DACH1: variants seen among roughly 807,000 people sequenced by gnomAD.
DACH1 encodes the protein dachshund family transcription factor 1.
In DACH1, 12 loss-of-function variants were observed where a neutral mutation model predicts 54.2. The observed-to-expected ratio is 0.22, with a 90% CI of 0.14 to 0.36. DACH1 has a LOEUF of 0.36. Among genes scored for constraint, DACH1 ranks in the 10% least tolerant of loss-of-function variants. The probability of loss-of-function intolerance (pLI) is 1.00; values close to 1 mark genes in which losing one functional copy is unlikely to be tolerated. For synonymous variants in DACH1, 386 were observed against 366.2 expected (o/e 1.05, Z -0.62); for missense variants, 805 against 929.8 (o/e 0.87, Z 1.75).
intron 6 of DACH1, among the ~76,000 whole-genome samples, chr13:71,511,884 A>G (rs1880802967): frequency 6.6e-6 from 1 of 151,946 alleles, no homozygotes; most frequent in Non-Finnish European, 1.5e-5. Context: ...TTTAACAAAC[A>G]GAAACTCAGC....
intron 6 of DACH1, among the ~76,000 whole-genome samples, chr13:71,497,361 C>T (rs1008063104): frequency 1.3e-5 from 2 of 150,786 alleles, no homozygotes; most frequent in Admixed American, 6.6e-5. Flanking sequence ...GACTGAGTTT[C>T]GCTCTTATTG....
chr13:71,860,437 G>A (rs12585281), intron 1 of DACH1, among the ~76,000 whole-genome samples: 12,324 of 146,800 alleles, frequency 0.084, 1,362 homozygotes, highest in East Asian at 0.57. Context: ...TTATTCTAAA[G>A]ATATATAACT....
chr13:71,793,890 G>A (rs544180682), intron 1 of DACH1, among the ~76,000 whole-genome samples: 7 of 152,250 alleles, frequency 4.6e-5, no homozygotes, highest in Admixed American at 6.5e-5. Flanking sequence ...GACCAAGGTC[G>A]TACAGCTAAT....
intron 1 of DACH1, among the ~76,000 whole-genome samples, chr13:71,843,455 C>A (rs912784225): frequency 6.6e-5 from 10 of 151,928 alleles, no homozygotes; most frequent in African/African-American, 2.4e-4. Flanking sequence ...TATAGAAACA[C>A]GGCTTCACCA....
intron 3 of DACH1, among the ~76,000 whole-genome samples, chr13:71,588,842 A>C (rs1287335301): frequency 6.6e-6 from 1 of 151,986 alleles, no homozygotes; most frequent in African/African-American, 2.4e-5. Flanking sequence ...TTCTATAGTT[A>C]TCTGCCAAAA....
chr13:71,815,002 G>A (rs985944968), intron 1 of DACH1, among the ~76,000 whole-genome samples: 1 of 152,156 alleles, frequency 6.6e-6, no homozygotes, highest in East Asian at 1.9e-4. Flanking sequence ...TAAACTAAAC[G>A]GGTGGGGAGG....
At chr13:71,511,266 G>A (rs1325888366) in intron 6 of DACH1, among the ~76,000 whole-genome samples, 2 of 151,930 alleles carry the variant, frequency 1.3e-5, no homozygotes, top group Non-Finnish European at 2.9e-5. Context: ...TGACTGGTTA[G>A]GCACTCTTGT....
chr13:71,861,480 A>G (rs1232024708), intron 1 of DACH1, among the ~76,000 whole-genome samples: 1 of 152,080 alleles, frequency 6.6e-6, no homozygotes, highest in East Asian at 1.9e-4. Flanking sequence ...TTGACTGAAC[A>G]AAGTAAATTC....
chr13:71,605,349 G>A (rs1374029759), intron 3 of DACH1, among the ~76,000 whole-genome samples: 1 of 151,554 alleles, frequency 6.6e-6, no homozygotes, highest in African/African-American at 2.4e-5. Flanking sequence ...TATTATATTT[G>A]AAAGAAACAA....
At chr13:71,496,209 G>A (rs2138219668) in intron 6 of DACH1, among the ~76,000 whole-genome samples, 1 of 144,970 alleles carries the variant, frequency 6.9e-6, no homozygotes, top group East Asian at 2.1e-4. Flanking sequence ...CTGCACTCCA[G>A]CCTGAGCGAC....
At chr13:71,502,655 C>G (rs1408337895) in intron 6 of DACH1, among the ~76,000 whole-genome samples, 1 of 152,170 alleles carries the variant, frequency 6.6e-6, no homozygotes, top group African/African-American at 2.4e-5. Flanking sequence ...TGCAATTAAA[C>G]CTTGGATAAT....
intron 10 of DACH1, among the ~76,000 whole-genome samples, chr13:71,451,982 A>G (rs570042457): frequency 2.0e-4 from 31 of 152,348 alleles, no homozygotes; most frequent in Admixed American, 9.2e-4. Flanking sequence ...CAAATGCTTC[A>G]GAAAATATTA....
At chr13:71,498,671 A>C (rs2138226886) in intron 6 of DACH1, among the ~76,000 whole-genome samples, 1 of 151,908 alleles carries the variant, frequency 6.6e-6, no homozygotes, top group African/African-American at 2.4e-5. Flanking sequence ...AAAAAAAAAA[A>C]CCACCATGGC....
intron 6 of DACH1, among the ~76,000 whole-genome samples, chr13:71,540,927 T>C (rs987549235): frequency 6.6e-6 from 1 of 151,946 alleles, no homozygotes; most frequent in Non-Finnish European, 1.5e-5. Flanking sequence ...ATAAACCCTT[T>C]CCTTAACACA....
chr13:71,674,405 A>G (rs1880415899), intron 2 of DACH1, among the ~76,000 whole-genome samples: 1 of 151,946 alleles, frequency 6.6e-6, no homozygotes, highest in Admixed American at 6.6e-5. Flanking sequence ...AAATACAATC[A>G]CAAGTGTCCT....
chr13:71,840,864 T>C (rs913086919), intron 1 of DACH1, among the ~76,000 whole-genome samples: 3 of 152,162 alleles, frequency 2.0e-5, no homozygotes, highest in Non-Finnish European at 4.4e-5. Context: ...TGGGCTTGGA[T>C]GAAGAGTTTA....
intron 6 of DACH1, among the ~76,000 whole-genome samples, chr13:71,503,790 A>T (rs1020363763): frequency 1.5e-4 from 23 of 152,360 alleles, no homozygotes; most frequent in African/African-American, 5.5e-4. Flanking sequence ...AGAAATTGAC[A>T]GAAGGTTAAA....
chr13:71,598,001 G>A (rs1192953217), intron 3 of DACH1, among the ~76,000 whole-genome samples: 1 of 150,878 alleles, frequency 6.6e-6, no homozygotes, highest in Non-Finnish European at 1.5e-5. Flanking sequence ...GATTGCTTGA[G>A]CCTGGGAGGC....
In DACH1 at chr13:71,700,842, C is replaced by G. The variant is rs976943023; in HGVS notation, c.849-18932G>C. On this transcript the variant is annotated intron_variant, in intron 1 of 10. Coordinates refer to ENST00000613252, the MANE Select transcript of DACH1 (RefSeq NM_080759.6). ...TTGATGTTTCCAAACTTTCCACATC[C>G]CTGATTCTATCTGAGCTTTTAATTA... is the stretch of plus-strand genomic sequence containing the variant. Among the ~76,000 whole-genome samples, 6 of 152,056 alleles carry G rather than the reference C, an allele frequency of 3.9e-5. No homozygotes were observed. The East Asian group carries it at 1.2e-3, about 29-fold the overall frequency.
Sources: allele counts gnomAD v4.1 joint callset (sites outside exome capture counted in the v4.1 genomes callset), GRCh38; gene constraint gnomAD v4.1.1; transcripts MANE v1.5; gene names NCBI Gene and HGNC (gene_info 2026-07-23, HGNC 2026-07-21).